CNBD1: variants seen among roughly 807,000 people sequenced by gnomAD.
The protein encoded by CNBD1 is cyclic nucleotide binding domain containing 1.
In CNBD1, 71 loss-of-function variants were observed where a neutral mutation model predicts 54.4. That is an observed-to-expected ratio of 1.30 (90% CI 1.08 to 1.59). CNBD1 has a LOEUF of 1.59. Ranked by LOEUF, CNBD1 falls within the 40% of genes most tolerant of loss-of-function variation. CNBD1 has a pLI of 0.00. For synonymous variants in CNBD1, 182 were observed against 170.7 expected (o/e 1.07, Z -0.51); for missense variants, 659 against 518.0 (o/e 1.27, Z -2.64).
chr8:86,883,978 C>T (rs1264302505), intron 1 of CNBD1, among the ~76,000 whole-genome samples: 3 of 151,938 alleles, frequency 2.0e-5, no homozygotes, highest in Non-Finnish European at 2.9e-5. Context: ...GGTGAAACCC[C>T]GTCTCTACTA....
intron 4 of CNBD1, among the ~76,000 whole-genome samples, chr8:87,063,097 A>G (rs532508482): frequency 4.6e-5 from 7 of 152,372 alleles, no homozygotes; most frequent in African/African-American, 7.2e-5. Context: ...GAGGTCTGCA[A>G]TGACAACTAC....
At chr8:87,373,924 T>C (rs1385566346) in intron 10 of CNBD1, among the ~76,000 whole-genome samples, 1 of 151,806 alleles carries the variant, frequency 6.6e-6, no homozygotes, top group Non-Finnish European at 1.5e-5. Context: ...AATTTAAATA[T>C]TTGTATTGCA....
chr8:87,307,663 G>A (rs1240230863), intron 8 of CNBD1, among the ~76,000 whole-genome samples: 1 of 151,594 alleles, frequency 6.6e-6, no homozygotes, highest in Non-Finnish European at 1.5e-5. Flanking sequence ...GCTTGAACCT[G>A]GGAGGTGGAG....
intron 4 of CNBD1, among the ~76,000 whole-genome samples, chr8:87,152,674 T>C (rs1812632324): frequency 6.6e-6 from 1 of 152,158 alleles, no homozygotes. Flanking sequence ...AATGCCTATA[T>C]GGATGAACTC....
chr8:87,129,933 A>C (rs1414159737), intron 4 of CNBD1, among the ~76,000 whole-genome samples: 1 of 152,174 alleles, frequency 6.6e-6, no homozygotes, highest in Non-Finnish European at 1.5e-5. Context: ...GAAGCCTCAC[A>C]ATCATGGTGG....
intron 5 of CNBD1, among the ~76,000 whole-genome samples, chr8:87,216,989 C>A (rs1299023196): frequency 6.6e-6 from 1 of 152,108 alleles, no homozygotes; most frequent in African/African-American, 2.4e-5. Flanking sequence ...GATGCTAATT[C>A]TCTCCCTGTT....
At chr8:87,015,751 G>C (rs545784750) in intron 4 of CNBD1, among the ~76,000 whole-genome samples, 1 of 151,762 alleles carries the variant, frequency 6.6e-6, no homozygotes, top group Admixed American at 6.6e-5. Flanking sequence ...AGGCCGAGGC[G>C]GGTGGATCAC....
intron 4 of CNBD1, among the ~76,000 whole-genome samples, chr8:87,146,103 C>T (rs911734443): frequency 1.3e-4 from 20 of 152,182 alleles, no homozygotes; most frequent in African/African-American, 4.1e-4. Context: ...TTAGATTCTA[C>T]GTTGCTAAAA....
At position 86,934,525 on chromosome 8, in the gene CNBD1, G is replaced by A. The variant is rs551868563; in HGVS notation, c.273-5071G>A. On this transcript the variant is annotated intron_variant, in intron 3 of 10. Coordinates refer to ENST00000518476, the MANE Select transcript of CNBD1 (RefSeq NM_173538.3). ...TAATGCTTAGGACCTTCACTAGAAT[G>A]TTGAATCAATTAAAGCAATATCCAT... Among the ~76,000 whole-genome samples the A allele has an allele frequency of 7.2e-4, 109 of 152,256 alleles. 1 individual carries two copies. The South Asian group carries it at 0.013, about 19-fold the overall frequency.
At chr8:87,424,791 T>A (rs557192038) in intron 2 of CNBD1, among the ~76,000 whole-genome samples, 10 of 152,180 alleles carry the variant, frequency 6.6e-5, no homozygotes, top group African/African-American at 2.4e-4. Context: ...ATCTGACAAT[T>A]ATGTGTCTTG....
intron 4 of CNBD1, among the ~76,000 whole-genome samples, chr8:87,143,784 A>T (rs368890018): frequency 2.0e-5 from 3 of 152,270 alleles, no homozygotes; most frequent in South Asian, 2.1e-4. Flanking sequence ...CATCATCTCT[A>T]TTGGGAGTTC....
intron 2 of CNBD1, among the ~76,000 whole-genome samples, chr8:87,401,094 T>TGAGG (rs1363418759): frequency 6.6e-6 from 1 of 152,006 alleles, no homozygotes; most frequent in Non-Finnish European, 1.5e-5. Flanking sequence ...AAGCTTGCAG[T>TGAGG]GAGGCAACAA....
At chr8:87,255,964 C>T (rs7819608) in intron 6 of CNBD1, among the ~76,000 whole-genome samples, 296 of 84,706 alleles carry the variant, frequency 3.5e-3, no homozygotes, top group African/African-American at 0.012. Flanking sequence ...ATATGATTTG[C>T]AGCTACAAAT....
At chr8:87,094,694 G>A (rs1811282969) in intron 4 of CNBD1, among the ~76,000 whole-genome samples, 1 of 152,120 alleles carries the variant, frequency 6.6e-6, no homozygotes, top group Admixed American at 6.5e-5. Context: ...TAATCCAGAA[G>A]TCAAATTATC....
intron 6 of CNBD1, among the ~76,000 whole-genome samples, chr8:87,273,256 T>G (rs1014150391): frequency 6.6e-6 from 1 of 151,946 alleles, no homozygotes; most frequent in African/African-American, 2.4e-5. Flanking sequence ...CTGGTTGAAT[T>G]AAATATTCAA....
intron 4 of CNBD1, among the ~76,000 whole-genome samples, chr8:87,049,327 G>A (rs1347841337): frequency 1.3e-5 from 2 of 152,190 alleles, no homozygotes; most frequent in African/African-American, 2.4e-5. Flanking sequence ...GTGAGGAGGT[G>A]TCTTTCCTTC....
At chr8:87,225,508 T>C (rs1196808190) in intron 5 of CNBD1, among the ~76,000 whole-genome samples, 28 of 150,674 alleles carry the variant, frequency 1.9e-4, no homozygotes, top group Admixed American at 1.8e-3. Context: ...CATGTGGTTT[T>C]TGTCTTTGGT....
intron 3 of CNBD1, among the ~76,000 whole-genome samples, chr8:86,918,955 A>C (rs1385173594): frequency 1.3e-5 from 2 of 151,992 alleles, no homozygotes; most frequent in Admixed American, 1.3e-4. Flanking sequence ...TCATGTGAAC[A>C]CATTATTTAG....
chr8:87,109,296 G>A (rs1485678034), intron 4 of CNBD1, among the ~76,000 whole-genome samples: 2 of 152,050 alleles, frequency 1.3e-5, no homozygotes, highest in Admixed American at 1.3e-4. Flanking sequence ...CACTCGGAGG[G>A]TCCCTTTCCT....
Sources: allele counts gnomAD v4.1 joint callset (sites outside exome capture counted in the v4.1 genomes callset), GRCh38; gene constraint gnomAD v4.1.1; transcripts MANE v1.5; gene names NCBI Gene and HGNC (gene_info 2026-07-23, HGNC 2026-07-21).